The following RARB variants were observed in gnomAD, a reference collection of about 807,000 sequenced individuals.
RARB encodes HBV-activated protein.
A neutral mutation model predicts 51.9 loss-of-function variants in RARB; 17 were observed. The ratio of observed to expected loss-of-function variants is 0.33; its 90% confidence interval spans 0.22 to 0.49. RARB has a LOEUF of 0.49. RARB is among the 20% of genes least tolerant of loss of function. The pLI, the probability that RARB is intolerant of heterozygous loss-of-function variation, is 0.99. For missense variants in RARB, 369 were observed against 550.8 expected (o/e 0.67, Z 3.30); for synonymous variants, 215 against 195.4 (o/e 1.10, Z -0.84).
chr3:25,307,386 C>CA (rs572540162), intron 5 of RARB, among the ~76,000 whole-genome samples: 1,898 of 126,752 alleles, frequency 0.015, 20 homozygotes, highest in African/African-American at 0.043. Context: ...AACTCTGTCT[C>CA]AAAAAAAAAA....
intron 5 of RARB, among the ~76,000 whole-genome samples, chr3:25,250,331 G>T (rs1407716289): frequency 2.0e-5 from 3 of 152,174 alleles, no homozygotes; most frequent in Non-Finnish European, 4.4e-5. Flanking sequence ...ACTGGCTAGG[G>T]TAGACAGGGA....
intron 3 of RARB, among the ~76,000 whole-genome samples, chr3:25,124,112 C>A (rs994381078): frequency 1.3e-5 from 2 of 152,170 alleles, no homozygotes; most frequent in East Asian, 1.9e-4. Flanking sequence ...CGGTGGCTCA[C>A]GCCTGTAATC....
intron 2 of RARB, among the ~76,000 whole-genome samples, chr3:25,034,890 T>C (rs1697952098): frequency 6.6e-6 from 1 of 152,236 alleles, no homozygotes. Flanking sequence ...CAACTGCAGC[T>C]GGAGCTCAGT....
At chr3:25,322,320 A>T (rs1390465302) in intron 5 of RARB, among the ~76,000 whole-genome samples, 1 of 152,200 alleles carries the variant, frequency 6.6e-6, no homozygotes, top group Non-Finnish European at 1.5e-5. Flanking sequence ...GAAAGTTGAG[A>T]TTGCAAAGTT....
At chr3:25,198,498 A>G (rs2125368724) in intron 5 of RARB, among the ~76,000 whole-genome samples, 1 of 152,294 alleles carries the variant, frequency 6.6e-6, no homozygotes, top group East Asian at 1.9e-4. Context: ...ACAGAATGGG[A>G]GAAAATATTT....
Position 24,990,127 on chromosome 3 carries a change from T to C in RARB, c.-379-69998T>C, listed in dbSNP as rs1272732023. ...CTTTTTAATATAATGGAACTTTTCTTTTTTTTTTTTGTTATTTCACTATTG... is the reference window on the plus strand; with the variant it reads ...CTTTTTAATATAATGGAACTTTTCTCTTTTTTTTTTGTTATTTCACTATTG... On this transcript the variant is annotated intron_variant, in intron 2 of 11. Transcript: ENST00000383772. 1.8e-4 allele frequency among the ~76,000 whole-genome samples: 3 copies of C among 16,268 alleles called. 1 individual carries two copies. The highest frequency in any genetic ancestry group is 3.5e-4 in the Non-Finnish European group (3 of 8,578). The allele number at this position is 16,268 out of a possible 152,430, so 10.7% of individuals were successfully genotyped here.
intron 5 of RARB, among the ~76,000 whole-genome samples, chr3:25,255,052 A>G (rs1702827512): frequency 6.6e-6 from 1 of 152,136 alleles, no homozygotes; most frequent in Non-Finnish European, 1.5e-5. Flanking sequence ...GCTGCTCCCA[A>G]TATTGGCCAA....
intron 6 of RARB, 30 bp from the exon 7 acceptor site, chr3:25,594,490 T>A: frequency 6.4e-7 from 1 of 1,562,902 alleles, no homozygotes; most frequent in African/African-American, 1.4e-5. Context: ...AAATCCTGAT[T>A]TTGTTTAATA....
At chr3:25,494,251 A>ACACACACACTCACGCGCGCGCGCG (rs1443411582) in intron 2 of RARB, among the ~76,000 whole-genome samples, 1 of 77,106 alleles carries the variant, frequency 1.3e-5, no homozygotes, top group Admixed American at 1.3e-4. Context: ...GCTGTATCTT[A>ACACACACACTCACGCGCGCGCGCG]CGCACACACA....
intron 5 of RARB, among the ~76,000 whole-genome samples, chr3:25,402,484 T>C (rs1707290161): frequency 6.6e-6 from 1 of 152,142 alleles, no homozygotes; most frequent in Non-Finnish European, 1.5e-5. Flanking sequence ...AATCAGAATA[T>C]CAAAGAGATA....
intron 3 of RARB, among the ~76,000 whole-genome samples, chr3:25,548,412 G>A (rs1267748866): frequency 6.6e-6 from 1 of 151,846 alleles, no homozygotes; most frequent in Admixed American, 6.6e-5. Context: ...TCTATTCAAG[G>A]TTATAATAGA....
chr3:24,902,792 G>A (rs764626012), intron 2 of RARB, among the ~76,000 whole-genome samples: 10 of 152,152 alleles, frequency 6.6e-5, no homozygotes, highest in Admixed American at 2.0e-4. Context: ...TGGCTGGTTT[G>A]ACAATGAGGG....
intron 3 of RARB, among the ~76,000 whole-genome samples, chr3:25,065,058 G>T (rs1698634291): frequency 6.6e-6 from 1 of 151,996 alleles, no homozygotes; most frequent in African/African-American, 2.4e-5. Flanking sequence ...ACTATTACCT[G>T]GTACACCTCG....
intron 3 of RARB, among the ~76,000 whole-genome samples, chr3:25,554,711 T>C (rs1328845731): frequency 6.6e-6 from 1 of 152,208 alleles, no homozygotes; most frequent in East Asian, 1.9e-4. Flanking sequence ...TATACCAGAA[T>C]ACTTGAAACT....
intron 5 of RARB, among the ~76,000 whole-genome samples, chr3:25,587,512 A>G (rs927331139): frequency 2.0e-5 from 3 of 152,206 alleles, no homozygotes; most frequent in Non-Finnish European, 2.9e-5. Context: ...AATTCCATCT[A>G]TTTCTCTTAA....
intron 2 of RARB, among the ~76,000 whole-genome samples, chr3:24,861,447 A>G (rs1194752352): frequency 1.3e-5 from 2 of 152,160 alleles, no homozygotes; most frequent in African/African-American, 4.8e-5. Context: ...GAACACTTTC[A>G]TATTCCTAGA....
intron 5 of RARB, among the ~76,000 whole-genome samples, chr3:25,266,827 A>C (rs1037704302): frequency 6.6e-6 from 1 of 152,224 alleles, no homozygotes; most frequent in Non-Finnish European, 1.5e-5. Flanking sequence ...GCCCTCTGCA[A>C]GCCAGGAGAA....
Position 25,086,691 on chromosome 3 carries a change from G to T in RARB, c.-328+26515G>T, listed in dbSNP as rs145225666. ...GTCTGAAAAGGTGGGACAACTCAGG[G>T]TTGGGGGTTGGGGAAGGAGGGGCAC... On this transcript the variant is annotated intron_variant, in intron 3 of 11. Transcript: ENST00000383772. Among the ~76,000 whole-genome samples the T allele has an allele frequency of 3.2e-3, 484 of 152,112 alleles. 3 individuals are homozygous for T. Among genetic ancestry groups the T allele is most frequent in the African/African-American group, 0.011 (464 of 41,518 alleles).
intron 2 of RARB, among the ~76,000 whole-genome samples, chr3:25,479,954 T>C (rs1441546507): frequency 1.3e-5 from 2 of 152,174 alleles, no homozygotes; most frequent in Non-Finnish European, 1.5e-5. Flanking sequence ...CCATTACCCT[T>C]GAATAATAAT....
Sources: gnomAD v4.1 joint callset for allele counts (sites outside exome capture counted in the v4.1 genomes callset) on GRCh38, gnomAD v4.1.1 for gene constraint, MANE v1.5 for transcripts, NCBI Gene and HGNC (gene_info 2026-07-23, HGNC 2026-07-21) for gene names.